CLVS1: variants seen among roughly 807,000 people sequenced by gnomAD.
CLVS1 encodes clavesin-1.
Under a neutral mutation model 33.1 loss-of-function variants are expected in CLVS1, and 10 were observed. The ratio of observed to expected loss-of-function variants is 0.30; its 90% CI spans 0.19 to 0.51. The LOEUF is 0.51. CLVS1 is among the 20% of genes least tolerant of loss of function. CLVS1 has a pLI of 0.97. For missense variants in CLVS1, 343 were observed against 433.4 expected, an observed-to-expected ratio of 0.79 and a Z score of 1.85; for synonymous variants, 163 against 166.1, an observed-to-expected ratio of 0.98 and a Z score of 0.14.
At chr8:61,260,059 T>A (rs1214445050) in intron 2 of CLVS1, among the ~76,000 whole-genome samples, 1 of 152,204 alleles carries the variant, frequency 6.6e-6, no homozygotes, top group Non-Finnish European at 1.5e-5. Context: ...CCCCCTTTGC[T>A]TTCAGTTTAA....
At position 61,218,752 on chromosome 8, in the gene CLVS1, T is replaced by C. The variant is rs575479043; in HGVS notation, c.-151-80925T>C. 2.1e-5 allele frequency among the ~76,000 whole-genome samples: 3 copies of C among 140,134 alleles called. No individual in the cohort carries two copies. In the East Asian group the frequency reaches 6.3e-4, roughly 29 times the overall value. The allele number at this position is 140,134 out of a possible 152,430, so 91.9% of individuals were successfully genotyped here. A position where few individuals can be genotyped will look rare whatever the true frequency, so the allele number is the denominator to read the frequency against. On this transcript the variant is annotated intron_variant, in intron 2 of 2. Coordinates refer to the CLVS1 transcript ENST00000522621. Reference sequence around the variant, plus strand: ...GAGTTCGAGACCAGCCTGGCTAACATGGTGAAACTCCATCTCTAGTAAAAA... The same window carrying C: ...GAGTTCGAGACCAGCCTGGCTAACACGGTGAAACTCCATCTCTAGTAAAAA...
intron 1 of CLVS1, among the ~76,000 whole-genome samples, chr8:61,097,804 G>C (rs951684596): frequency 9.2e-5 from 14 of 152,118 alleles, no homozygotes; most frequent in African/African-American, 3.4e-4. Flanking sequence ...TTTGTGCTTT[G>C]ACTCTTCTCT....
chr8:61,278,636 G>A (rs1057023026), intron 2 of CLVS1, among the ~76,000 whole-genome samples: 4 of 152,218 alleles, frequency 2.6e-5, no homozygotes, highest in African/African-American at 4.8e-5. Flanking sequence ...ATGTGTGTGT[G>A]TATAGATGTA....
chr8:61,395,022 C>T (rs778235503), intron 3 of CLVS1, among the ~76,000 whole-genome samples: 8 of 152,136 alleles, frequency 5.3e-5, no homozygotes, highest in Non-Finnish European at 8.8e-5. Flanking sequence ...CCATTTTTTA[C>T]CAATTGTTTT....
intron 2 of CLVS1, among the ~76,000 whole-genome samples, chr8:61,325,850 C>A (rs1195678789): frequency 6.6e-6 from 1 of 152,182 alleles, no homozygotes; most frequent in Non-Finnish European, 1.5e-5. Flanking sequence ...AGTATACTAA[C>A]AAACTGAAGA....
At chr8:61,181,992 T>C (rs13267297) in intron 2 of CLVS1, among the ~76,000 whole-genome samples, 76,584 of 151,958 alleles carry the variant, frequency 0.5, 21,024 homozygotes, top group Middle Eastern at 0.7. Flanking sequence ...TGAGCCACCG[T>C]GTCCTGCCCA....
intron 3 of CLVS1, among the ~76,000 whole-genome samples, chr8:61,415,648 G>C (rs891758641): frequency 6.6e-6 from 1 of 152,086 alleles, no homozygotes; most frequent in Non-Finnish European, 1.5e-5. Flanking sequence ...GTATTCCAGG[G>C]GCCTTAGAGC....
At chr8:61,282,180 G>A (rs920982698) in intron 2 of CLVS1, among the ~76,000 whole-genome samples, 1 of 152,204 alleles carries the variant, frequency 6.6e-6, no homozygotes, top group Non-Finnish European at 1.5e-5. Flanking sequence ...ACAGATTGTG[G>A]TTCTAAGAAA....
chr8:61,099,596 G>A (rs1479055805), intron 1 of CLVS1, among the ~76,000 whole-genome samples: 1 of 152,088 alleles, frequency 6.6e-6, no homozygotes, highest in Non-Finnish European at 1.5e-5. Context: ...TTGCTTGAAT[G>A]GCTGAGAGAA....
chr8:61,307,438 G>T (rs377172691), intron 2 of CLVS1, among the ~76,000 whole-genome samples: 2 of 152,216 alleles, frequency 1.3e-5, no homozygotes, highest in East Asian at 3.9e-4. Flanking sequence ...CCAGAATACA[G>T]AGCAAGGGCC....
At chr8:61,094,111 GC>G (rs1287010510) in intron 1 of CLVS1, among the ~76,000 whole-genome samples, 1 of 152,148 alleles carries the variant, frequency 6.6e-6, no homozygotes, top group Non-Finnish European at 1.5e-5. Context: ...TTTATTCTGA[GC>G]CCAAGTTTGA....
Position 61,115,316 on chromosome 8 carries a change from T to TA in CLVS1, c.-242-16447dup, listed in dbSNP as rs577848597. On this transcript the variant is annotated intron_variant, in intron 1 of 2. Transcript: ENST00000522621. ...CAATGTCTAGCAAATAGTAAGGATT[T>TA]AAAAAAATGGCAACTCTTATTTTTT... Among the ~76,000 whole-genome samples, 37 of 151,920 alleles carry TA rather than the reference T, an allele frequency of 2.4e-4. No homozygotes were observed. In the South Asian group the frequency reaches 7.0e-3, roughly 29 times the overall value.
chr8:61,269,571 G>A (rs1302906507), intron 2 of CLVS1, among the ~76,000 whole-genome samples: 1 of 151,692 alleles, frequency 6.6e-6, no homozygotes, highest in Non-Finnish European at 1.5e-5. Context: ...TTGGTAGCTT[G>A]ATGGGGATGG....
chr8:61,041,478 A>G, the CLVS1 span, among the ~76,000 whole-genome samples: 81 of 152,032 alleles, frequency 5.3e-4, 2 homozygotes, highest in Admixed American at 1.8e-3. Context: ...ATGTTTTCCC[A>G]TTTGTTTATG....
intron 2 of CLVS1, among the ~76,000 whole-genome samples, chr8:61,223,319 T>G (rs1258608862): frequency 3.9e-5 from 6 of 152,140 alleles, no homozygotes; most frequent in African/African-American, 4.8e-5. Flanking sequence ...CTGGTACCGG[T>G]TTTTCTTTTC....
intron 3 of CLVS1, among the ~76,000 whole-genome samples, chr8:61,386,953 AT>A (rs1038519369): frequency 2.2e-4 from 34 of 152,368 alleles, no homozygotes; most frequent in African/African-American, 8.2e-4. Context: ...TCAATTTCCA[AT>A]AAAATTTTAA....
At chr8:61,193,216 T>C (rs187215955) in intron 2 of CLVS1, among the ~76,000 whole-genome samples, 38 of 152,312 alleles carry the variant, frequency 2.5e-4, no homozygotes, top group African/African-American at 8.9e-4. Flanking sequence ...TCATGTCCTT[T>C]GTAGGGACAT....
chr8:61,447,119 A>G (rs187877620), intron 3 of CLVS1, among the ~76,000 whole-genome samples: 1 of 152,210 alleles, frequency 6.6e-6, no homozygotes, highest in Non-Finnish European at 1.5e-5. Flanking sequence ...AATGATGTTG[A>G]GTTCTTCTAT....
chr8:61,294,454 C>A (rs533711468), intron 1 of CLVS1, among the ~76,000 whole-genome samples: 283 of 152,126 alleles, frequency 1.9e-3, no homozygotes, highest in Non-Finnish European at 3.7e-3. Context: ...CTGTTATGTA[C>A]CCCGAATATT....
Sources: gnomAD v4.1 joint callset for allele counts (sites outside exome capture counted in the v4.1 genomes callset) on GRCh38, gnomAD v4.1.1 for gene constraint, MANE v1.5 for transcripts, NCBI Gene and HGNC (gene_info 2026-07-23, HGNC 2026-07-21) for gene names.